Variants in MDFIC2 observed in about 807,000 individuals in gnomAD.
MDFIC2 encodes MyoD family inhibitor domain containing 2, also known as myoD family inhibitor domain-containing protein 2.
chr3:70,266,615 A>G (rs1410650393), intron 2 of MDFIC2, among the ~76,000 whole-genome samples: 1 of 151,414 alleles, frequency 6.6e-6, no homozygotes, highest in Non-Finnish European at 1.5e-5. Flanking sequence ...TAATTTTTTT[A>G]TTTTTATTTC....
chr3:70,229,236 G>T (rs1701536592), intron 2 of MDFIC2, among the ~76,000 whole-genome samples: 1 of 152,188 alleles, frequency 6.6e-6, no homozygotes, highest in Non-Finnish European at 1.5e-5. Flanking sequence ...GGAAGCAAGA[G>T]AAAATTCCAG....
At chr3:70,285,959 C>T (rs1471877996) in intron 2 of MDFIC2, among the ~76,000 whole-genome samples, 1 of 150,940 alleles carries the variant, frequency 6.6e-6, no homozygotes, top group Non-Finnish European at 1.5e-5. Context: ...TGGATATTAG[C>T]CCTTTGTCAG....
chr3:70,292,635 A>G (rs572371957), intron 2 of MDFIC2, among the ~76,000 whole-genome samples: 2 of 152,270 alleles, frequency 1.3e-5, no homozygotes, highest in East Asian at 1.9e-4. Context: ...ATGAAAAATA[A>G]CTATTTAAAC....
intron 3 of MDFIC2, among the ~76,000 whole-genome samples, chr3:70,200,908 T>A (rs1267683394): frequency 6.6e-6 from 1 of 151,980 alleles, no homozygotes; most frequent in East Asian, 1.9e-4. Flanking sequence ...TATCCCACTG[T>A]TATATGTGTC....
chr3:70,267,494 C>T (rs781653263), intron 2 of MDFIC2, among the ~76,000 whole-genome samples: 1 of 143,782 alleles, frequency 7.0e-6, no homozygotes, highest in Non-Finnish European at 1.5e-5. Flanking sequence ...GCTCCGCCTC[C>T]TGGGCTCACG....
At chr3:70,234,995 A>C (rs1256659556) in intron 2 of MDFIC2, among the ~76,000 whole-genome samples, 1 of 152,194 alleles carries the variant, frequency 6.6e-6, no homozygotes, top group Non-Finnish European at 1.5e-5. Context: ...TGTGAAGATG[A>C]TTCTAATGTG....
At chr3:70,224,958 C>G (rs1229738279) in intron 2 of MDFIC2, among the ~76,000 whole-genome samples, 1 of 152,078 alleles carries the variant, frequency 6.6e-6, no homozygotes, top group Non-Finnish European at 1.5e-5. Context: ...TGACTAAATA[C>G]AAGGTTTTCA....
chr3:70,300,719 GTCA>G (rs1225841102), intron 2 of MDFIC2, among the ~76,000 whole-genome samples: 5 of 151,966 alleles, frequency 3.3e-5, no homozygotes, highest in Non-Finnish European at 7.4e-5. Flanking sequence ...ACATTCTTCT[GTCA>G]TAGAACAAGT....
chr3:70,295,833 A>G (rs895029851), intron 2 of MDFIC2, among the ~76,000 whole-genome samples: 8 of 152,162 alleles, frequency 5.3e-5, no homozygotes, highest in African/African-American at 1.9e-4. Flanking sequence ...ATAATACCTT[A>G]TTTTTTATGA....
In MDFIC2 at chr3:70,311,820, A is replaced by G. The variant is rs531893500; in HGVS notation, c.88+66T>C. 2.0e-5 allele frequency: 8 copies of G among 395,660 alleles called. 1 individual carries two copies. The highest frequency in any genetic ancestry group is 1.2e-4 in the African/African-American group (6 of 48,654). 24.5% of individuals were successfully genotyped at this position (395,660 alleles called of 1,614,324 possible). ...GACAATTTCCTCCTTCTCCCACACT[A>G]TTCCTTGCTTATAAACAAAAGCAAA... On this transcript the variant is annotated intron_variant, in intron 2 of 3. Coordinates refer to ENST00000567252, the MANE Select transcript of MDFIC2 (RefSeq NM_001364677.1).
At chr3:70,223,781 C>T (rs868039987) in intron 2 of MDFIC2, among the ~76,000 whole-genome samples, 2 of 152,216 alleles carry the variant, frequency 1.3e-5, no homozygotes, top group South Asian at 2.1e-4. Context: ...TACAAATGAA[C>T]GTTAGCTGCT....
chr3:70,285,108 C>T (rs1420043072), intron 2 of MDFIC2, among the ~76,000 whole-genome samples: 1 of 150,096 alleles, frequency 6.7e-6, no homozygotes, highest in Non-Finnish European at 1.5e-5. Context: ...GCACATTGTG[C>T]AGGTTAGTTA....
chr3:70,272,762 C>T (rs1166493762), intron 2 of MDFIC2, among the ~76,000 whole-genome samples: 1 of 152,282 alleles, frequency 6.6e-6, no homozygotes, highest in East Asian at 1.9e-4. Context: ...CTAAATTCCC[C>T]TTGCTTTCTT....
intron 2 of MDFIC2, among the ~76,000 whole-genome samples, chr3:70,284,888 G>T (rs1385500423): frequency 2.6e-5 from 4 of 152,046 alleles, no homozygotes; most frequent in Non-Finnish European, 5.9e-5. Flanking sequence ...ATGTACCCCT[G>T]AACTGAAAAT....
At chr3:70,290,148 G>A (rs1702217500) in intron 2 of MDFIC2, among the ~76,000 whole-genome samples, 1 of 152,098 alleles carries the variant, frequency 6.6e-6, no homozygotes, top group East Asian at 1.9e-4. Context: ...GCTTTTTAGA[G>A]TTTCCAGTTT....
At chr3:70,272,233 T>C (rs910065492) in intron 2 of MDFIC2, 1 of 152,214 alleles carries the variant, frequency 6.6e-6, no homozygotes, top group African/African-American at 2.4e-5. Context: ...ACAATTAAAA[T>C]GAAAAATATT....
intron 2 of MDFIC2, among the ~76,000 whole-genome samples, chr3:70,303,482 A>G (rs1458404165): frequency 6.6e-6 from 1 of 152,194 alleles, no homozygotes; most frequent in Non-Finnish European, 1.5e-5. Context: ...TAGGCTCACC[A>G]GAACTAGATT....
At chr3:70,293,528 A>G (rs1338405302) in intron 2 of MDFIC2, among the ~76,000 whole-genome samples, 1 of 152,106 alleles carries the variant, frequency 6.6e-6, no homozygotes, top group East Asian at 1.9e-4. Flanking sequence ...TTCTGATTGA[A>G]GGAAATCTTA....
At chr3:70,295,353 G>C (rs1261916194) in intron 2 of MDFIC2, among the ~76,000 whole-genome samples, 1 of 152,120 alleles carries the variant, frequency 6.6e-6, no homozygotes, top group African/African-American at 2.4e-5. Context: ...TCAAATATAG[G>C]TATGTGTGAT....
Sources: gnomAD v4.1 joint callset for allele counts (sites outside exome capture counted in the v4.1 genomes callset) on GRCh38, gnomAD v4.1.1 for gene constraint, MANE v1.5 for transcripts, NCBI Gene and HGNC (gene_info 2026-07-23, HGNC 2026-07-21) for gene names.